The following COPG2 variants were observed in gnomAD, a reference collection of about 807,000 sequenced individuals.
COPG2 encodes the protein coat protein complex I subunit gamma 2.
A neutral mutation model predicts 46.3 loss-of-function variants in COPG2; 37 were observed. That is an observed-to-expected ratio of 0.80 (90% CI 0.61 to 1.05). The LOEUF (loss-of-function observed/expected upper bound fraction) is 1.05, where lower values mean the gene tolerates loss of function less well. Among genes scored for constraint, COPG2 ranks in the 50% least tolerant of loss-of-function variants. COPG2 has a pLI of 0.00. For missense variants in COPG2, 427 were observed against 387.8 expected (o/e 1.10, Z -0.85); for synonymous variants, 159 against 129.7 (o/e 1.23, Z -1.53).
chr7:130,523,246 T>A (rs1799740956), intron 20 of COPG2, among the ~76,000 whole-genome samples: 1 of 150,680 alleles, frequency 6.6e-6, no homozygotes, highest in East Asian at 2.0e-4. Flanking sequence ...GGGGTGGGTT[T>A]CACCCGAGGG....
At position 130,666,884 on chromosome 7, in the gene COPG2, G is replaced by A; in HGVS notation, c.136C>T (p.His46Tyr). 1.3e-6 allele frequency: 2 copies of A among 1,564,310 alleles called. No homozygotes were observed. The highest frequency in any genetic ancestry group is 2.3e-5 in the East Asian group (1 of 44,334). Reference sequence around the variant, plus strand: ...AAGTAAAGAATCTTTGTAAGAATATGCAAACATCTTCTTGGATTGATTGGA... The same window carrying A: ...AAGTAAAGAATCTTTGTAAGAATATACAAACATCTTCTTGGATTGATTGGA... ...ETPINPRRCL[H>Y]ILTKILYLLN... is the part of the protein sequence containing the mutation. The change falls in exon 3 of 24, where the codon CAT becomes TAT. Residue 46 changes from histidine (H) to tyrosine (Y), a missense_variant. Physicochemically the swap from His to Tyr is moderately conservative, Grantham distance 83 (BLOSUM62 2). Coordinates refer to ENST00000425248, the MANE Select transcript of COPG2 (RefSeq NM_012133.6).
chr7:130,578,177 T>A (rs1461037700), intron 9 of COPG2, among the ~76,000 whole-genome samples: 1 of 149,814 alleles, frequency 6.7e-6, no homozygotes, highest in Non-Finnish European at 1.5e-5. Flanking sequence ...CCTCCTCAAG[T>A]GGGTCCCTGA....
At chr7:130,607,319 T>C in intron 9 of COPG2, 1 of 181,066 alleles carries the variant, frequency 5.5e-6, no homozygotes. Context: ...TGCTACAAAG[T>C]TTTTGTTTGC....
chr7:130,507,572 AAG>A (rs2116322543), intron 22 of COPG2, 111 bp downstream of exon 22: 6 of 653,862 alleles, frequency 9.2e-6, no homozygotes, highest in Non-Finnish European at 1.7e-5. Flanking sequence ...CCTTTTAAGT[AAG>A]AGATTTATGA....
chr7:130,592,036 T>A (rs1420419441), intron 9 of COPG2, among the ~76,000 whole-genome samples: 1 of 152,188 alleles, frequency 6.6e-6, no homozygotes, highest in Non-Finnish European at 1.5e-5. Context: ...ATGGGAGACT[T>A]TTCATTTTGT....
In COPG2 at chr7:130,613,530, G is replaced by C. The variant is rs782572194; in HGVS notation, c.492+14C>G. ...TACCATGCTTAAGAACTAGGAAGCTGCTTGTTCACTTACCAGGGAAGATAC... is the reference window on the plus strand; with the variant it reads ...TACCATGCTTAAGAACTAGGAAGCTCCTTGTTCACTTACCAGGGAAGATAC... On this transcript the variant is annotated intron_variant, in intron 7 of 23. Transcript: ENST00000425248. The C allele has an allele frequency of 1.3e-6, 2 of 1,504,616 alleles. No individual in the cohort carries two copies. The highest frequency in any genetic ancestry group is 1.8e-6 in the Non-Finnish European group (2 of 1,090,706). The allele number at this position is 1,504,616 out of a possible 1,614,324, so 93.2% of individuals were successfully genotyped here.
At chr7:130,666,517 C>T (rs1281986818) in intron 3 of COPG2, among the ~76,000 whole-genome samples, 1 of 152,088 alleles carries the variant, frequency 6.6e-6, no homozygotes, top group Admixed American at 6.5e-5. Context: ...ATATAACACT[C>T]AGTGGAGACA....
At chr7:130,648,668 A>G (rs1795667730) in intron 5 of COPG2, among the ~76,000 whole-genome samples, 1 of 152,244 alleles carries the variant, frequency 6.6e-6, no homozygotes, top group Non-Finnish European at 1.5e-5. Context: ...GGAAGACATC[A>G]TTGGTCCCAA....
chr7:130,645,747 G>GAC (rs35384011), intron 5 of COPG2, among the ~76,000 whole-genome samples: 120,653 of 151,816 alleles, frequency 0.79, 48,244 homozygotes, highest in Non-Finnish European at 0.85. Context: ...CAAATGAACA[G>GAC]ACACTGTCAC....
chr7:130,511,313 A>G, intron 20 of COPG2: 1 of 426,554 alleles, frequency 2.3e-6, no homozygotes, highest in Non-Finnish European at 4.6e-6. Context: ...AAGAAGGCAA[A>G]AGAGATGGAT....
At chr7:130,520,372 A>G (rs1241006127) in intron 20 of COPG2, among the ~76,000 whole-genome samples, 3 of 152,220 alleles carry the variant, frequency 2.0e-5, no homozygotes, top group Non-Finnish European at 4.4e-5. Flanking sequence ...TGGAGGAAAA[A>G]AATGTATGAC....
intron 9 of COPG2, among the ~76,000 whole-genome samples, chr7:130,591,539 C>T (rs1313721210): frequency 5.1e-4 from 67 of 130,642 alleles, no homozygotes; most frequent in African/African-American, 1.8e-3. Flanking sequence ...TCTGCCCGGC[C>T]GCCCCTACTG....
intron 5 of COPG2, among the ~76,000 whole-genome samples, chr7:130,637,009 C>T (rs1584598534): frequency 3.3e-5 from 5 of 152,188 alleles, no homozygotes; most frequent in South Asian, 2.1e-4. Flanking sequence ...TATAAAATTC[C>T]GGGCTGAAAA....
chr7:130,530,504 G>A (rs1799813650), intron 20 of COPG2, among the ~76,000 whole-genome samples: 1 of 152,242 alleles, frequency 6.6e-6, no homozygotes, highest in African/African-American at 2.4e-5. Context: ...AAGAGAAGGT[G>A]GGATAGAGAG....
At chr7:130,560,020 G>C (rs1793692041) in intron 12 of COPG2, among the ~76,000 whole-genome samples, 1 of 151,680 alleles carries the variant, frequency 6.6e-6, no homozygotes, top group Non-Finnish European at 1.5e-5. Flanking sequence ...TTTTTAATTA[G>C]GCAAGAAAAA....
intron 12 of COPG2, among the ~76,000 whole-genome samples, chr7:130,555,664 TA>T (rs36130644): frequency 0.19 from 29,342 of 151,790 alleles, 3,020 homozygotes; most frequent in Middle Eastern, 0.25. Context: ...CCGTTTCTAC[TA>T]AAAAAATACA....
intron 9 of COPG2, among the ~76,000 whole-genome samples, chr7:130,598,370 T>C (rs985819623): frequency 1.1e-4 from 17 of 152,204 alleles, no homozygotes; most frequent in Non-Finnish European, 2.9e-5. Flanking sequence ...TCCTTGTATA[T>C]AGTTCCACTA....
chr7:130,659,356 A>AAAAAAAAAAAAAAC (rs1563073666), intron 4 of COPG2, among the ~76,000 whole-genome samples: 2 of 147,188 alleles, frequency 1.4e-5, no homozygotes, highest in African/African-American at 5.1e-5. Flanking sequence ...CTCCGTCTCA[A>AAAAAAAAAAAAAAC]AAAAAAAAAA....
At chr7:130,616,918 A>G (rs1481458025) in intron 6 of COPG2, 72 bp downstream of exon 6, 1 of 933,288 alleles carries the variant, frequency 1.1e-6, no homozygotes, top group African/African-American at 1.7e-5. Flanking sequence ...AGGAAATCCT[A>G]CTAAATCTAC....
Sources: gnomAD v4.1 joint callset for allele counts (sites outside exome capture counted in the v4.1 genomes callset) on GRCh38, gnomAD v4.1.1 for gene constraint, MANE v1.5 for transcripts, NCBI Gene and HGNC (gene_info 2026-07-23, HGNC 2026-07-21) for gene names.